ZRSR2: variants seen among roughly 807,000 people sequenced by gnomAD.
ZRSR2 encodes zinc finger CCCH-type, RNA binding motif and serine/arginine rich 2.
A neutral mutation model predicts 39.4 loss-of-function variants in ZRSR2; 3 were observed. The observed-to-expected ratio is 0.08, with a 90% CI of 0.03 to 0.20. The LOEUF (loss-of-function observed/expected upper bound fraction) is 0.20. Among genes scored for constraint, ZRSR2 ranks in the 10% least tolerant of loss-of-function variants. The probability of loss-of-function intolerance (pLI) is 1.00; values close to 1 mark genes in which losing one functional copy is unlikely to be tolerated. For missense variants in ZRSR2, 256 were observed against 391.5 expected, an observed-to-expected ratio of 0.65 and a Z score of 2.92; for synonymous variants, 137 against 136.0, an observed-to-expected ratio of 1.01 and a Z score of -0.05.
At chrX:15,791,806 G>A (rs916524590) in intron 2 of ZRSR2, among the ~76,000 whole-genome samples, 45 of 110,355 alleles carry the variant, frequency 4.1e-4, no homozygotes, top group Admixed American at 1.8e-3. Flanking sequence ...ACAGGCGTGC[G>A]CAACCACACC....
At position 15,804,211 on chromosome X, in the gene ZRSR2, T is replaced by A; in HGVS notation, c.399+14T>A. ...AAAGAAAAAGAGGTGATTCCTGTCA[T>A]GGGATGTGCTGTGTGATGAGTTTGA... On this transcript the variant is annotated intron_variant, in intron 5 of 10. Coordinates refer to ENST00000307771, the MANE Select transcript of ZRSR2 (RefSeq NM_005089.4). 1 of 1,173,024 alleles carries A rather than the reference T, an allele frequency of 8.5e-7. No homozygotes were observed. Among genetic ancestry groups the A allele is most frequent in the Non-Finnish European group, 1.1e-6 (1 of 881,869 alleles).
In ZRSR2 at chrX:15,790,681, C is replaced by T. The variant is rs1215605662; in HGVS notation, c.41+145C>T. ...CCTTCCTGGTGCGCGCTCTGGTGCC[C>T]TCCCCGGACTTGCACGGGCGGCTGT... On this transcript the variant is annotated intron_variant, in intron 1 of 10. Transcript: ENST00000307771. 7.0e-6 allele frequency: 6 copies of T among 858,702 alleles called. No homozygotes were observed. In the Admixed American group the frequency reaches 1.5e-4, roughly 21 times the overall value. The allele number at this position is 858,702 out of a possible 1,213,427, so 70.8% of individuals were successfully genotyped here.
At chrX:15,808,210 G>A in intron 5 of ZRSR2, 23 bp from the exon 6 acceptor site, 4 of 1,205,063 alleles carry the variant, frequency 3.3e-6, no homozygotes, top group Non-Finnish European at 4.5e-6. Context: ...GTTTTTATTA[G>A]TCCTGTGTTT....
At chrX:15,804,256 T>G in intron 5 of ZRSR2, 59 bp downstream of exon 5, 1 of 1,108,648 alleles carries the variant, frequency 9.0e-7, no homozygotes, top group South Asian at 2.5e-5. Flanking sequence ...AGTAGGCATG[T>G]CAGAGTTTGG....
chrX:15,798,644 G>A (rs905752917), intron 2 of ZRSR2, among the ~76,000 whole-genome samples: 2 of 111,144 alleles, frequency 1.8e-5, no homozygotes, highest in African/African-American at 6.5e-5. Flanking sequence ...GTAATTCAAT[G>A]GTATCATATA....
chrX:15,793,602 G>A (rs1932352364), intron 2 of ZRSR2, among the ~76,000 whole-genome samples: 1 of 111,454 alleles, frequency 9.0e-6, no homozygotes, highest in South Asian at 3.7e-4. Flanking sequence ...GCAATGGCAC[G>A]ATCTAGGCTC....
intron 6 of ZRSR2, among the ~76,000 whole-genome samples, chrX:15,808,872 C>T (rs763836599): frequency 4.5e-4 from 50 of 110,977 alleles, no homozygotes; most frequent in African/African-American, 1.5e-3. Flanking sequence ...CCACCCACCT[C>T]GGCCTCCCAA....
At chrX:15,817,026 C>T (rs1932991383) in intron 8 of ZRSR2, among the ~76,000 whole-genome samples, 1 of 111,752 alleles carries the variant, frequency 8.9e-6, no homozygotes, top group Non-Finnish European at 1.9e-5. Flanking sequence ...TGTGGTTTGA[C>T]TAGCCTTGTC....
At chrX:15,819,412 CAA>C (rs1196145892) in intron 9 of ZRSR2, among the ~76,000 whole-genome samples, 1 of 109,636 alleles carries the variant, frequency 9.1e-6, no homozygotes, top group East Asian at 2.9e-4. Context: ...CTCATCTCTA[CAA>C]AAAAATTTAA....
intron 2 of ZRSR2, among the ~76,000 whole-genome samples, chrX:15,795,981 C>CG (rs1332928182): frequency 9.0e-6 from 1 of 110,734 alleles, no homozygotes; most frequent in Non-Finnish European, 1.9e-5. Context: ...AGTAGCTGGG[C>CG]GTCCTATTCA....
Position 15,792,424 on chromosome X carries a change from AAAAC to A in ZRSR2, c.121+1423_121+1426del, listed in dbSNP as rs779416244. On this transcript the variant is annotated intron_variant, in intron 2 of 10. Coordinates refer to ENST00000307771, the MANE Select transcript of ZRSR2 (RefSeq NM_005089.4). ...GCAACAGAGTGAGATTCTGTCTCAA[AAAAC>A]AAACAAACAAATAAAAATACATTTA... 1.1e-4 allele frequency among the ~76,000 whole-genome samples: 12 copies of A among 112,289 alleles called. No individual in the cohort carries two copies. The East Asian group carries it at 1.1e-3, about 11-fold the overall frequency.
Position 15,790,927 on chromosome X carries a change from C to T in ZRSR2, c.42-7C>T, listed in dbSNP as rs369098014. 1.6e-5 allele frequency: 19 copies of T among 1,207,467 alleles called. No individual in the cohort carries two copies. In the East Asian group the frequency reaches 2.1e-4, roughly 13 times the overall value. Reference sequence around the variant, plus strand: ...CTGATCGTCGTGTATATGTCTTAATCTTCCAGCCACAAAAAGTACAGGGCC... The same window carrying T: ...CTGATCGTCGTGTATATGTCTTAATTTTCCAGCCACAAAAAGTACAGGGCC... On this transcript the variant is annotated splice_polypyrimidine_tract_variant and splice_region_variant and intron_variant, in intron 1 of 10. Transcript: ENST00000307771.
chrX:15,808,572 G>T (rs1181232545), intron 6 of ZRSR2, among the ~76,000 whole-genome samples: 1 of 109,198 alleles, frequency 9.2e-6, no homozygotes, highest in Non-Finnish European at 1.9e-5. Flanking sequence ...TTCTATTTCT[G>T]TCTGTGGTGG....
intron 5 of ZRSR2, 86 bp downstream of exon 5, chrX:15,804,283 T>A: frequency 9.2e-7 from 1 of 1,083,736 alleles, no homozygotes; most frequent in Non-Finnish European, 1.2e-6. Context: ...TTTTTCTCTT[T>A]TTCTTGTCAT....
At chrX:15,809,972 G>A (rs1180772939) in intron 7 of ZRSR2, among the ~76,000 whole-genome samples, 1 of 112,148 alleles carries the variant, frequency 8.9e-6, no homozygotes, top group African/African-American at 3.2e-5. Context: ...GTGGCTGCCA[G>A]TTTGGGAAAG....
intron 7 of ZRSR2, among the ~76,000 whole-genome samples, chrX:15,812,011 A>G (rs1054509538): frequency 1.7e-4 from 19 of 108,695 alleles, no homozygotes; most frequent in South Asian, 3.9e-4. Flanking sequence ...CTCACTGCAA[A>G]CTCCGCCTCC....
At chrX:15,807,275 GT>G (rs756144498) in intron 5 of ZRSR2, among the ~76,000 whole-genome samples, 1 of 111,039 alleles carries the variant, frequency 9.0e-6, no homozygotes, top group South Asian at 3.8e-4. Context: ...TGTTTTTTGG[GT>G]TTTTTCGTTT....
At chrX:15,796,798 T>G (rs931582853) in intron 2 of ZRSR2, among the ~76,000 whole-genome samples, 11 of 83,002 alleles carry the variant, frequency 1.3e-4, no homozygotes, top group South Asian at 7.0e-4. Flanking sequence ...TTTTTTTTTT[T>G]TTTTTTTTTT....
At chrX:15,803,949 GAA>G (rs369783360) in intron 4 of ZRSR2, among the ~76,000 whole-genome samples, 153 bp downstream of exon 4, 1 of 46,642 alleles carries the variant, frequency 2.1e-5, no homozygotes, top group Non-Finnish European at 4.3e-5. Context: ...ATCTCAAAAA[GAA>G]AAAAAAAAAA....
Sources: gnomAD v4.1 joint callset for allele counts (sites outside exome capture counted in the v4.1 genomes callset) on GRCh38, gnomAD v4.1.1 for gene constraint, MANE v1.5 for transcripts, NCBI Gene and HGNC (gene_info 2026-07-23, HGNC 2026-07-21) for gene names.